Variants in PDE1C observed in about 807,000 individuals in gnomAD.
PDE1C encodes the protein phosphodiesterase 1C.
A neutral mutation model predicts 93.1 loss-of-function variants in PDE1C; 62 were observed. That is an observed-to-expected ratio of 0.67 (90% CI 0.54 to 0.82). The LOEUF is 0.82. Ranked by LOEUF, PDE1C falls within the 40% of genes least tolerant of loss-of-function variation. The pLI is 0.00. For synonymous variants in PDE1C, 325 were observed against 310.1 expected (o/e 1.05, Z -0.50); for missense variants, 742 against 884.6 (o/e 0.84, Z 2.04).
At chr7:32,336,683 T>C (rs1349230894) in intron 1 of PDE1C, among the ~76,000 whole-genome samples, 1 of 152,238 alleles carries the variant, frequency 6.6e-6, no homozygotes, top group African/African-American at 2.4e-5. Context: ...AGATGTATTT[T>C]GGGATCTTAA....
chr7:31,764,277 C>T (rs1396838181), intron 17 of PDE1C, among the ~76,000 whole-genome samples: 9 of 152,014 alleles, frequency 5.9e-5, no homozygotes, highest in African/African-American at 1.7e-4. Flanking sequence ...CTGTAGTAGC[C>T]GGGATTACAG....
intron 6 of PDE1C, among the ~76,000 whole-genome samples, chr7:31,869,364 C>T (rs1479757868): frequency 1.3e-5 from 2 of 152,002 alleles, no homozygotes; most frequent in East Asian, 3.9e-4. Context: ...AACTATATGT[C>T]GCCTATAAGA....
chr7:32,169,921 T>C (rs1364222148), exon 3 of PDE1C: 7 of 1,612,662 alleles, frequency 4.3e-6, no homozygotes, highest in Non-Finnish European at 5.9e-6. Context: ...AGCCCATCGA[T>C]GAGGGAGTTC....
chr7:32,195,996 T>C (rs933765512), intron 2 of PDE1C, among the ~76,000 whole-genome samples: 4 of 152,152 alleles, frequency 2.6e-5, no homozygotes, highest in Non-Finnish European at 5.9e-5. Context: ...GTCCTGATTC[T>C]CCTCTAGGCC....
the PDE1C span, among the ~76,000 whole-genome samples, chr7:31,684,619 A>T: frequency 6.6e-6 from 1 of 152,226 alleles, no homozygotes; most frequent in Non-Finnish European, 1.5e-5. Flanking sequence ...ATGAAGTAAC[A>T]TTTCACCAGA....
At chr7:32,364,136 T>C (rs1042602867) in intron 1 of PDE1C, among the ~76,000 whole-genome samples, 1 of 152,194 alleles carries the variant, frequency 6.6e-6, no homozygotes, top group Non-Finnish European at 1.5e-5. Context: ...GTCTCCTGGA[T>C]GCATCTATTT....
chr7:32,315,617 A>G (rs1269823812), intron 1 of PDE1C, among the ~76,000 whole-genome samples: 1 of 152,216 alleles, frequency 6.6e-6, no homozygotes, highest in East Asian at 1.9e-4. Flanking sequence ...CATGCTCATA[A>G]TTAGAAAATA....
chr7:31,885,957 C>G (rs1282418051), intron 2 of PDE1C, among the ~76,000 whole-genome samples: 1 of 152,166 alleles, frequency 6.6e-6, no homozygotes, highest in African/African-American at 2.4e-5. Flanking sequence ...TGGAAACATA[C>G]TTTCTCATGT....
the PDE1C span, among the ~76,000 whole-genome samples, chr7:31,742,938 G>A: frequency 6.6e-6 from 1 of 152,016 alleles, no homozygotes; most frequent in Non-Finnish European, 1.5e-5. Flanking sequence ...GCCCTCACTG[G>A]TGCCCAAACT....
At chr7:31,683,237 T>G in the PDE1C span, among the ~76,000 whole-genome samples, 4 of 152,184 alleles carry the variant, frequency 2.6e-5, no homozygotes, top group African/African-American at 9.7e-5. Flanking sequence ...CAGGGGAAAC[T>G]GTGCACAATA....
chr7:31,642,772 T>A, the PDE1C span: 1 of 1,613,978 alleles, frequency 6.2e-7, no homozygotes, highest in Non-Finnish European at 8.5e-7. Flanking sequence ...ATCCCAGGAC[T>A]GTCAGCTAGA....
intron 3 of PDE1C, among the ~76,000 whole-genome samples, chr7:32,137,450 C>A (rs886784077): frequency 2.6e-5 from 4 of 152,120 alleles, no homozygotes; most frequent in African/African-American, 7.2e-5. Context: ...TATTAAAAAG[C>A]AATGTGGAGG....
the PDE1C span, among the ~76,000 whole-genome samples, chr7:31,677,413 C>A: frequency 6.6e-6 from 1 of 152,070 alleles, no homozygotes; most frequent in African/African-American, 2.4e-5. Context: ...AACTATCAAC[C>A]AATAGACTGT....
the PDE1C span, among the ~76,000 whole-genome samples, chr7:31,737,011 G>C: frequency 6.6e-6 from 1 of 152,090 alleles, no homozygotes; most frequent in Admixed American, 6.6e-5. Context: ...GAGTGCAGTG[G>C]TGTGATCATG....
the PDE1C span, among the ~76,000 whole-genome samples, chr7:31,689,614 C>T: frequency 6.6e-6 from 1 of 152,082 alleles, no homozygotes; most frequent in African/African-American, 2.4e-5. Context: ...TAAAGAGCGC[C>T]CCTTCTCACT....
At chr7:32,250,641 T>C (rs1301237371) in intron 1 of PDE1C, among the ~76,000 whole-genome samples, 1 of 152,234 alleles carries the variant, frequency 6.6e-6, no homozygotes, top group Non-Finnish European at 1.5e-5. Flanking sequence ...TCACTGATAA[T>C]GCTGTAGCCA....
chr7:31,930,848 C>CA (rs56394903), intron 2 of PDE1C, among the ~76,000 whole-genome samples: 971 of 32,630 alleles, frequency 0.03, 256 homozygotes, highest in East Asian at 0.28. Context: ...GACTCTGTCT[C>CA]AAAAAAAAAA....
the PDE1C span, among the ~76,000 whole-genome samples, chr7:31,677,742 C>T: frequency 2.4e-4 from 36 of 152,202 alleles, no homozygotes; most frequent in African/African-American, 8.4e-4. Context: ...GAAATGCCAG[C>T]TATGGCATTT....
chr7:31,619,394 A>AT, the PDE1C span, among the ~76,000 whole-genome samples: 1 of 152,146 alleles, frequency 6.6e-6, no homozygotes, highest in African/African-American at 2.4e-5. Context: ...AATTCTTATT[A>AT]TTTTACCATT....
Sources: gnomAD v4.1 joint callset for allele counts (sites outside exome capture counted in the v4.1 genomes callset) on GRCh38, gnomAD v4.1.1 for gene constraint, MANE v1.5 for transcripts, NCBI Gene and HGNC (gene_info 2026-07-23, HGNC 2026-07-21) for gene names.